STAU1: variants seen among roughly 807,000 people sequenced by gnomAD.
The protein encoded by STAU1 is double-stranded RNA-binding protein Staufen homolog 1.
In STAU1, 13 loss-of-function variants were observed where a neutral mutation model predicts 62.9. The ratio of observed to expected loss-of-function variants is 0.21; its 90% CI spans 0.13 to 0.33. The LOEUF (loss-of-function observed/expected upper bound fraction) is 0.33. Ranked by LOEUF, STAU1 falls within the 10% of genes least tolerant of loss-of-function variation. The probability of loss-of-function intolerance (pLI) is 1.00; values close to 1 mark genes in which losing one functional copy is unlikely to be tolerated. For missense variants in STAU1, 571 were observed against 712.1 expected, an observed-to-expected ratio of 0.80 and a Z score of 2.25; for synonymous variants, 269 against 265.1, an observed-to-expected ratio of 1.01 and a Z score of -0.14.
the STAU1 span, among the ~76,000 whole-genome samples, chr20:49,202,941 C>G: frequency 6.6e-6 from 1 of 151,790 alleles, no homozygotes; most frequent in Non-Finnish European, 1.5e-5. Flanking sequence ...ACTTGGGAGG[C>G]TGAGGCATGA....
intron 3 of STAU1, among the ~76,000 whole-genome samples, chr20:49,155,101 AAC>A (rs965736404): frequency 1.3e-5 from 2 of 152,064 alleles, no homozygotes; most frequent in African/African-American, 4.8e-5. Flanking sequence ...AAAAAAAAGA[AAC>A]ACAATTCCTG....
At chr20:49,194,384 G>A in the STAU1 span, among the ~76,000 whole-genome samples, 204 of 145,436 alleles carry the variant, frequency 1.4e-3, 6 homozygotes, top group East Asian at 0.035. Context: ...AGCCAAAATC[G>A]TGCCATTGCA....
At chr20:49,170,087 A>T (rs900627812) in intron 2 of STAU1, among the ~76,000 whole-genome samples, 7 of 152,284 alleles carry the variant, frequency 4.6e-5, no homozygotes, top group East Asian at 3.9e-4. Context: ...AGTTTTTTTT[A>T]AATTATACAT....
In STAU1 at chr20:49,120,053, T is replaced by G; in HGVS notation, c.1042A>C (p.Met348Leu). ...KVAKRNAAENMLEILGFKVPQ... is the reference protein window; with the variant it reads ...KVAKRNAAENLLEILGFKVPQ... ...ACTTTGAAACCAAGGATCTCCAGCA[T>G]GTTCTCGGCTGCATTGCGCTTGGCC... is the stretch of plus-strand genomic sequence containing the variant. The change falls in exon 9 of 14, where the codon ATG (methionine) becomes CTG (leucine). Residue 348 changes from methionine to leucine, a missense_variant. This residue lies in a region of STAU1 where 414 missense variants were observed against 499.6 expected (regional missense o/e 0.83). Transcript: ENST00000371856. 3 of 1,614,238 alleles carry G rather than the reference T, an allele frequency of 1.9e-6. No individual in the cohort carries two copies. Among genetic ancestry groups the G allele is most frequent in the Non-Finnish European group, 2.5e-6 (3 of 1,180,038 alleles).
upstream of STAU1, among the ~76,000 whole-genome samples, chr20:49,191,643 A>C (rs934041569): frequency 1.5e-4 from 23 of 152,344 alleles, no homozygotes; most frequent in African/African-American, 5.5e-4. Flanking sequence ...GTAGCACAGG[A>C]GAACAAGGTT....
chr20:49,200,435 A>AAAAATACAAAATACTCTACT, the STAU1 span, among the ~76,000 whole-genome samples: 1 of 152,106 alleles, frequency 6.6e-6, no homozygotes, highest in African/African-American at 2.4e-5. Flanking sequence ...CGTCTCTACT[A>AAAAATACAAAATACTCTACT]AAAATACAAA....
intron 6 of STAU1, among the ~76,000 whole-genome samples, chr20:49,132,210 C>G (rs530184216): frequency 6.6e-6 from 1 of 152,132 alleles, no homozygotes. Flanking sequence ...AACACTTCTT[C>G]CCACAACAGT....
intron 2 of STAU1, among the ~76,000 whole-genome samples, chr20:49,173,329 C>T (rs1301477620): frequency 2.0e-5 from 3 of 151,974 alleles, no homozygotes; most frequent in South Asian, 4.1e-4. Context: ...TGGTGGCACA[C>T]GCCTGTAATC....
chr20:49,206,904 C>T, the STAU1 span, among the ~76,000 whole-genome samples: 16,773 of 150,784 alleles, frequency 0.11, 1,011 homozygotes, highest in African/African-American at 0.17. Context: ...TACAGGCGTG[C>T]GCCACCACAC....
the STAU1 span, among the ~76,000 whole-genome samples, chr20:49,204,592 T>TTA: frequency 0.025 from 1,142 of 45,570 alleles, 24 homozygotes; most frequent in Non-Finnish European, 0.032. Context: ...GGATTTTACA[T>TTA]TATATATATA....
intron 3 of STAU1, among the ~76,000 whole-genome samples, chr20:49,155,931 TG>T (rs1376697275): frequency 2.6e-5 from 4 of 152,158 alleles, no homozygotes; most frequent in Non-Finnish European, 4.4e-5. Flanking sequence ...TTCATGCATG[TG>T]AGGGGGTCTC....
At chr20:49,215,707 G>A in the STAU1 span, among the ~76,000 whole-genome samples, 4 of 152,120 alleles carry the variant, frequency 2.6e-5, no homozygotes, top group Non-Finnish European at 5.9e-5. Flanking sequence ...AATAAAATCA[G>A]TAGAAAACTC....
At chr20:49,125,071 T>TAAAAAAAA (rs11473077) in intron 6 of STAU1, among the ~76,000 whole-genome samples, 25 of 83,780 alleles carry the variant, frequency 3.0e-4, no homozygotes, top group East Asian at 7.8e-4. Flanking sequence ...ACACATTAAG[T>TAAAAAAAA]AAAAAAAAAA....
chr20:49,155,419 T>G (rs1419943014), intron 3 of STAU1, among the ~76,000 whole-genome samples: 1 of 152,184 alleles, frequency 6.6e-6, no homozygotes. Context: ...ATCCAATCCA[T>G]AAACCTTTAA....
intron 5 of STAU1, among the ~76,000 whole-genome samples, chr20:49,149,197 A>G (rs138939006): frequency 0.012 from 1,783 of 151,792 alleles, 42 homozygotes; most frequent in African/African-American, 0.04. Flanking sequence ...GTTGCAGTGA[A>G]CCAAGATCAT....
Position 49,136,917 on chromosome 20 carries a change from C to G in STAU1, c.511-986G>C, listed in dbSNP as rs544115738. ...TTCACCATGTTGGTCAGGCTGGTCT[C>G]GAACTCCTGACCTCATGATCCACCC... is the stretch of plus-strand genomic sequence containing the variant. On this transcript the variant is annotated intron_variant, in intron 5 of 13. Transcript: ENST00000371856. Among the ~76,000 whole-genome samples the G allele has an allele frequency of 5.3e-5, 8 of 152,262 alleles. No homozygotes were observed. The South Asian group carries it at 1.5e-3, about 28-fold the overall frequency.
At chr20:49,174,933 C>CAAAA (rs551431293) in intron 1 of STAU1, among the ~76,000 whole-genome samples, 1 of 59,474 alleles carries the variant, frequency 1.7e-5, no homozygotes, top group African/African-American at 6.7e-5. Flanking sequence ...GACTCCGTCA[C>CAAAA]AAAAAAAAAA....
rs1178267431 is a variant in STAU1 at position 49,180,622 on chromosome 20, A to G, written c.-159-6353T>C. Reference sequence around the variant, plus strand: ...TACAGGCGTGGGCCACCATGCCAGCAATTTTTAACAAACCTGATGACACAC... The same window carrying G: ...TACAGGCGTGGGCCACCATGCCAGCGATTTTTAACAAACCTGATGACACAC... On this transcript the variant is annotated intron_variant, in intron 1 of 13. Transcript: ENST00000371856. 1.6e-4 allele frequency among the ~76,000 whole-genome samples: 24 copies of G among 152,114 alleles called. 1 individual carries two copies. The highest frequency in any genetic ancestry group is 6.6e-5 in the Admixed American group (1 of 15,252).
intron 6 of STAU1, among the ~76,000 whole-genome samples, chr20:49,126,588 C>CAAAAAAAAAAAAAAAAAAAAAAAAAA: frequency 5.3e-4 from 30 of 56,366 alleles, no homozygotes; most frequent in Non-Finnish European, 6.3e-4. Context: ...AAAAAAAAAA[C>CAAAAAAAAAAAAAAAAAAAAAAAAAA]AAAAAAAAAA....
Sources: gnomAD v4.1 joint callset for allele counts (sites outside exome capture counted in the v4.1 genomes callset) on GRCh38, gnomAD v4.1.1 for gene constraint, gnomAD v4.1.1 regional missense constraint, MANE v1.5 for transcripts, NCBI Gene and HGNC (gene_info 2026-07-23, HGNC 2026-07-21) for gene names.